ZNF782: variants seen among roughly 807,000 people sequenced by gnomAD.
ZNF782 encodes the protein zinc finger protein 782.
A neutral mutation model predicts 13.0 loss-of-function variants in ZNF782; 12 were observed. The observed-to-expected ratio is 0.92, with a 90% CI of 0.59 to 1.50. The LOEUF is 1.50. ZNF782 is among the 40% of genes most tolerant of loss of function. ZNF782 has a pLI of 0.00. For missense variants in ZNF782, 770 were observed against 822.9 expected (o/e 0.94, Z 0.79); for synonymous variants, 284 against 283.0 (o/e 1.00, Z -0.04).
intron 4 of ZNF782, among the ~76,000 whole-genome samples, chr9:96,841,805 G>A (rs1019275058): frequency 2.0e-5 from 3 of 151,504 alleles, no homozygotes; most frequent in Non-Finnish European, 4.4e-5. Context: ...ACAAGGCAAG[G>A]ATGACTACTC....
rs141424886 is a variant in ZNF782 at position 96,834,280 on chromosome 9, C to T, written c.143-7099G>A. Among the ~76,000 whole-genome samples the T allele has an allele frequency of 2.6e-5, 4 of 152,336 alleles. No homozygotes were observed. In the East Asian group the frequency reaches 5.8e-4, roughly 22 times the overall value. On this transcript the variant is annotated intron_variant, in intron 4 of 5. Coordinates refer to ENST00000481138, the MANE Select transcript of ZNF782 (RefSeq NM_001001662.3). ...CGTGAGCTGATGGTTTTATAATGGG[C>T]TTCCCCCTTCACTGGGCACTCATTC...
In ZNF782 at chr9:96,867,220, C is replaced by T. The variant is rs560452592; in HGVS notation, c.-456-5617G>A. Among the ~76,000 whole-genome samples, 3 of 152,280 alleles carry T rather than the reference C, an allele frequency of 2.0e-5. No individual in the cohort carries two copies. The East Asian group carries it at 5.8e-4, about 29-fold the overall frequency. On this transcript the variant is annotated intron_variant, in intron 1 of 5. Transcript: ENST00000498811. ...AATTTCCACGTGTTGTGGGAGGGACCTGGTGGGAAGTAATTGAATAATAGA... is the reference window on the plus strand; with the variant it reads ...AATTTCCACGTGTTGTGGGAGGGACTTGGTGGGAAGTAATTGAATAATAGA...
At chr9:96,897,143 C>A in the ZNF782 span, among the ~76,000 whole-genome samples, 1 of 152,196 alleles carries the variant, frequency 6.6e-6, no homozygotes, top group Non-Finnish European at 1.5e-5. Context: ...CATGGGTCTC[C>A]CAGATGTGCT....
intron 4 of ZNF782, among the ~76,000 whole-genome samples, chr9:96,829,383 T>G (rs892574351): frequency 6.6e-6 from 1 of 152,132 alleles, no homozygotes; most frequent in Non-Finnish European, 1.5e-5. Flanking sequence ...AAAGAGAAAT[T>G]CTGCATAATG....
chr9:96,880,462 C>G (rs1851948726), upstream of ZNF782, among the ~76,000 whole-genome samples: 1 of 152,144 alleles, frequency 6.6e-6, no homozygotes, highest in Non-Finnish European at 1.5e-5. Context: ...TTTCTTCTAG[C>G]TCTAGTTTTC....
upstream of ZNF782, among the ~76,000 whole-genome samples, chr9:96,876,167 A>G (rs772065244): frequency 2.0e-5 from 3 of 152,222 alleles, no homozygotes; most frequent in Non-Finnish European, 4.4e-5. Context: ...CGTTGGAAAC[A>G]ATTTGGGAAA....
In ZNF782 at chr9:96,875,581, T is replaced by G. The variant is rs953928592; in HGVS notation, c.-570A>C. The G allele has an allele frequency of 6.6e-6, 3 of 456,670 alleles. No individual in the cohort carries two copies. The Admixed American group carries it at 7.0e-5, about 11-fold the overall frequency. The allele number at this position is 456,670 out of a possible 1,614,324, so 28.3% of individuals were successfully genotyped here. A position where few individuals can be genotyped will look rare whatever the true frequency, so the allele number is the denominator to read the frequency against. Reference sequence around the variant, plus strand: ...TTGGTCAACGTTTATAAACGGGCTCTCCTCTGCCGCCGCGGGCATGCGCTT... The same window carrying G: ...TTGGTCAACGTTTATAAACGGGCTCGCCTCTGCCGCCGCGGGCATGCGCTT... On this transcript the variant is annotated 5_prime_UTR_variant, in exon 1 of 6. Transcript: ENST00000498811.
At chr9:96,856,537 A>G (rs1851644598), upstream of ZNF782, among the ~76,000 whole-genome samples, 1 of 152,252 alleles carries the variant, frequency 6.6e-6, no homozygotes, top group Admixed American at 6.5e-5. Context: ...ACAATGAGAA[A>G]ACAAGCTATT....
chr9:96,920,654 C>G, the ZNF782 span, among the ~76,000 whole-genome samples: 1 of 150,052 alleles, frequency 6.7e-6, no homozygotes, highest in Non-Finnish European at 1.5e-5. Context: ...CAGTGGCTCA[C>G]GCCTGTAATC....
chr9:96,818,797 A>G lies in ZNF782; in HGVS notation c.1226T>C (p.Leu409Pro). 6.2e-7 allele frequency: 1 copy of G among 1,613,926 alleles called. No homozygotes were observed. Among genetic ancestry groups the G allele is most frequent in the Non-Finnish European group, 8.5e-7 (1 of 1,179,970 alleles). ...CGKAFSEKSR[L>P]RKHQRTHTGE... ...CGTGTGAGTTCTCTGATGTTTTCTT[A>G]GGCGTGACTTCTCACTGAAGGCTTT... Residue 409 changes from leucine to proline, a missense_variant, in exon 6 of 6, where the codon CTA (leucine) becomes CCA (proline). Coordinates refer to ENST00000481138, the MANE Select transcript of ZNF782 (RefSeq NM_001001662.3).
At chr9:96,832,453 T>C (rs1478427101) in intron 4 of ZNF782, among the ~76,000 whole-genome samples, 2 of 152,214 alleles carry the variant, frequency 1.3e-5, no homozygotes, top group Non-Finnish European at 2.9e-5. Context: ...TCTTCTTTCC[T>C]GATGCTTGAA....
At chr9:96,839,607 T>C (rs754295779) in intron 4 of ZNF782, among the ~76,000 whole-genome samples, 5 of 152,156 alleles carry the variant, frequency 3.3e-5, no homozygotes, top group South Asian at 4.1e-4. Flanking sequence ...AAAATCCAAA[T>C]TGTATAAAAA....
At chr9:96,896,452 T>C in the ZNF782 span, among the ~76,000 whole-genome samples, 34 of 152,154 alleles carry the variant, frequency 2.2e-4, 1 homozygote, top group Non-Finnish European at 2.9e-5. Context: ...ACTAAGACAT[T>C]TGCATGTCAG....
chr9:96,883,497 A>G, the ZNF782 span, among the ~76,000 whole-genome samples: 1 of 152,076 alleles, frequency 6.6e-6, no homozygotes, highest in Admixed American at 6.6e-5. Flanking sequence ...TAGGGACAAC[A>G]AAGGTGACAG....
chr9:96,874,772 G>A lies in ZNF782; in HGVS notation c.-457+696C>T, dbSNP rs1219555070. Among the ~76,000 whole-genome samples the A allele has an allele frequency of 2.6e-5, 4 of 152,174 alleles. No individual in the cohort carries two copies. In the East Asian group the frequency reaches 7.7e-4, roughly 29 times the overall value. Reference sequence around the variant, plus strand: ...GCCCCCTGCTTCCTAATTCACAAGAGCTGCTTTGCTCTACAGTGAAATTAT... The same window carrying A: ...GCCCCCTGCTTCCTAATTCACAAGAACTGCTTTGCTCTACAGTGAAATTAT... On this transcript the variant is annotated intron_variant, in intron 1 of 5. Transcript: ENST00000498811.
At chr9:96,915,564 G>A in the ZNF782 span, among the ~76,000 whole-genome samples, 1 of 150,210 alleles carries the variant, frequency 6.7e-6, no homozygotes, top group South Asian at 2.1e-4. Flanking sequence ...GATTCCTGTG[G>A]ACTTATGTTT....
the ZNF782 span, chr9:96,928,240 G>A: frequency 5.3e-6 from 1 of 187,150 alleles, no homozygotes; most frequent in Non-Finnish European, 1.1e-5. Flanking sequence ...ACAATATGCT[G>A]GGAAACAAAA....
chr9:96,842,187 T>A (rs1437571546), intron 4 of ZNF782, among the ~76,000 whole-genome samples: 1 of 151,882 alleles, frequency 6.6e-6, no homozygotes, highest in African/African-American at 2.4e-5. Flanking sequence ...AAGCAAGAAA[T>A]CAAGATCTAA....
chr9:96,910,384 G>A, the ZNF782 span: 1 of 563,046 alleles, frequency 1.8e-6, no homozygotes, highest in South Asian at 1.7e-5. Flanking sequence ...CCAAGAAGCA[G>A]AAGACCGACA....
Sources: allele counts gnomAD v4.1 joint callset (sites outside exome capture counted in the v4.1 genomes callset), GRCh38; gene constraint gnomAD v4.1.1; transcripts MANE v1.5; gene names NCBI Gene and HGNC (gene_info 2026-07-23, HGNC 2026-07-21).